Variants in TANGO6 observed in about 807,000 individuals in gnomAD.
The protein encoded by TANGO6 is transport and Golgi organization protein 6 homolog.
A neutral mutation model predicts 114.2 loss-of-function variants in TANGO6; 90 were observed. The observed-to-expected ratio is 0.79, with a 90% confidence interval of 0.66 to 0.94. The LOEUF is 0.94. Ranked by LOEUF, TANGO6 falls within the 40% of genes least tolerant of loss-of-function variation. The pLI is 0.00. For synonymous variants in TANGO6, 477 were observed against 509.8 expected (o/e 0.94, Z 0.87); for missense variants, 1,274 against 1,315.3 (o/e 0.97, Z 0.49).
intron 9 of TANGO6, among the ~76,000 whole-genome samples, chr16:68,903,373 C>CT (rs1220327410): frequency 6.6e-6 from 1 of 152,104 alleles, no homozygotes; most frequent in Non-Finnish European, 1.5e-5. Flanking sequence ...AATCCCAGCA[C>CT]TTTAGGAGGC....
At chr16:68,945,354 T>A (rs923227761) in intron 14 of TANGO6, among the ~76,000 whole-genome samples, 2 of 152,208 alleles carry the variant, frequency 1.3e-5, no homozygotes, top group Non-Finnish European at 1.5e-5. Context: ...GTTACTTTTT[T>A]AAATTTCTTT....
At chr16:68,890,792 A>G (rs896317182) in intron 7 of TANGO6, among the ~76,000 whole-genome samples, 4 of 152,148 alleles carry the variant, frequency 2.6e-5, no homozygotes, top group Non-Finnish European at 4.4e-5. Flanking sequence ...AGGCCAAGGC[A>G]GTTCGATCAC....
At chr16:68,885,915 G>A (rs1452644668) in intron 7 of TANGO6, among the ~76,000 whole-genome samples, 1 of 152,092 alleles carries the variant, frequency 6.6e-6, no homozygotes, top group Admixed American at 6.6e-5. Context: ...ACCTTGGAGT[G>A]GAATGCTGGA....
intron 17 of TANGO6, among the ~76,000 whole-genome samples, chr16:69,043,955 G>A (rs181969568): frequency 7.1e-4 from 108 of 152,302 alleles, no homozygotes; most frequent in African/African-American, 2.0e-3. Context: ...GGATCAGAGA[G>A]GGGAAACATC....
chr16:68,917,369 T>C (rs1963020666), intron 11 of TANGO6, among the ~76,000 whole-genome samples: 1 of 152,282 alleles, frequency 6.6e-6, no homozygotes. Context: ...TAAACAACCA[T>C]GTGCAGGTTT....
chr16:68,877,751 G>C (rs1962388789), intron 5 of TANGO6, among the ~76,000 whole-genome samples: 1 of 151,894 alleles, frequency 6.6e-6, no homozygotes, highest in South Asian at 2.1e-4. Context: ...GGGACTACAG[G>C]CGCCCGCCAC....
At chr16:69,070,111 G>A (rs1294396881) in intron 17 of TANGO6, among the ~76,000 whole-genome samples, 3 of 151,612 alleles carry the variant, frequency 2.0e-5, no homozygotes, top group Non-Finnish European at 4.4e-5. Context: ...AGGAGGCTGA[G>A]GCAGGAGAAT....
chr16:68,995,140 T>G (rs1963980464), intron 15 of TANGO6, among the ~76,000 whole-genome samples: 1 of 152,184 alleles, frequency 6.6e-6, no homozygotes, highest in East Asian at 1.9e-4. Flanking sequence ...GTCTATTTAC[T>G]TATAATTTGC....
intron 17 of TANGO6, among the ~76,000 whole-genome samples, chr16:69,060,861 G>A (rs1257081709): frequency 3.3e-5 from 5 of 151,954 alleles, no homozygotes; most frequent in Middle Eastern, 3.4e-3. Flanking sequence ...GCGTGGTGGC[G>A]CACGCCTGTG....
intron 12 of TANGO6, among the ~76,000 whole-genome samples, chr16:68,923,677 T>C (rs998969336): frequency 6.6e-6 from 1 of 152,226 alleles, no homozygotes. Context: ...TCTTACTTTC[T>C]GCCATATTTA....
intron 17 of TANGO6, among the ~76,000 whole-genome samples, chr16:69,054,353 C>T (rs1048667835): frequency 6.6e-6 from 1 of 152,136 alleles, no homozygotes; most frequent in Non-Finnish European, 1.5e-5. Flanking sequence ...CTCAGGGGAC[C>T]TGATTGCTAC....
intron 16 of TANGO6, among the ~76,000 whole-genome samples, chr16:69,027,235 T>G (rs558600358): frequency 4.6e-4 from 70 of 152,340 alleles, no homozygotes; most frequent in Middle Eastern, 6.8e-3. Flanking sequence ...CACAGATGTA[T>G]GCATACACTT....
chr16:69,057,679 C>A (rs994386932), intron 17 of TANGO6, among the ~76,000 whole-genome samples: 2 of 152,240 alleles, frequency 1.3e-5, no homozygotes, highest in Middle Eastern at 6.8e-3. Flanking sequence ...TCCCAGAAAC[C>A]ATGAAATCCA....
At chr16:68,911,415 CTTTTTTT>C (rs776375913) in intron 11 of TANGO6, among the ~76,000 whole-genome samples, 9 of 133,622 alleles carry the variant, frequency 6.7e-5, no homozygotes, top group Middle Eastern at 3.5e-3. Context: ...TTTATAGTTT[CTTTTTTT>C]TTTTTTTTTT....
intron 14 of TANGO6, among the ~76,000 whole-genome samples, chr16:68,950,782 C>T (rs912635160): frequency 3.3e-5 from 5 of 151,972 alleles, no homozygotes; most frequent in African/African-American, 1.2e-4. Flanking sequence ...TCGCTTGAGC[C>T]TGGGAGGCGG....
intron 7 of TANGO6, among the ~76,000 whole-genome samples, chr16:68,894,022 G>A (rs978801291): frequency 6.6e-6 from 1 of 152,174 alleles, no homozygotes; most frequent in African/African-American, 2.4e-5. Context: ...TGCTTCCTCA[G>A]TCCATACTGT....
At chr16:68,999,918 T>C (rs1402275978) in intron 15 of TANGO6, among the ~76,000 whole-genome samples, 1 of 152,256 alleles carries the variant, frequency 6.6e-6, no homozygotes, top group Non-Finnish European at 1.5e-5. Context: ...TTTCCAAAGT[T>C]ATCAGAGATG....
At chr16:68,896,471 C>G (rs1962706429) in intron 7 of TANGO6, among the ~76,000 whole-genome samples, 1 of 151,886 alleles carries the variant, frequency 6.6e-6, no homozygotes, top group African/African-American at 2.4e-5. Context: ...CACCACCATG[C>G]CCAGCTAATT....
chr16:68,961,649 C>T (rs1166564468), intron 14 of TANGO6, among the ~76,000 whole-genome samples: 4 of 152,044 alleles, frequency 2.6e-5, no homozygotes, highest in African/African-American at 9.7e-5. Flanking sequence ...TTACTTTTTT[C>T]CCTCCAAGAT....
Sources: gnomAD v4.1 joint callset for allele counts (sites outside exome capture counted in the v4.1 genomes callset) on GRCh38, gnomAD v4.1.1 for gene constraint, MANE v1.5 for transcripts, NCBI Gene and HGNC (gene_info 2026-07-23, HGNC 2026-07-21) for gene names.